The following UNC5C variants were observed in gnomAD, a reference collection of about 807,000 sequenced individuals.
The protein encoded by UNC5C is netrin receptor UNC5C.
Under a neutral mutation model 99.8 loss-of-function variants are expected in UNC5C, and 47 were observed. That is an observed-to-expected ratio of 0.47 (90% CI 0.37 to 0.60). The LOEUF (loss-of-function observed/expected upper bound fraction) is 0.60. Among genes scored for constraint, UNC5C ranks in the 20% least tolerant of loss-of-function variants. UNC5C has a pLI of 0.00. For missense variants in UNC5C, 1,062 were observed against 1,165.9 expected (o/e 0.91, Z 1.30); for synonymous variants, 487 against 452.2 (o/e 1.08, Z -0.98).
chr4:95,320,366 G>A (rs1228946891), intron 2 of UNC5C, among the ~76,000 whole-genome samples: 4 of 145,092 alleles, frequency 2.8e-5, no homozygotes, highest in Non-Finnish European at 4.5e-5. Flanking sequence ...AGGTTGCAGT[G>A]AGCGGAGATC....
intron 2 of UNC5C, among the ~76,000 whole-genome samples, chr4:95,305,514 T>G (rs2149405709): frequency 6.6e-6 from 1 of 152,286 alleles, no homozygotes; most frequent in East Asian, 1.9e-4. Flanking sequence ...TTGAAGAGCA[T>G]TTGGGAACCT....
intron 1 of UNC5C, among the ~76,000 whole-genome samples, chr4:95,473,303 T>C (rs1748031537): frequency 6.6e-6 from 1 of 152,148 alleles, no homozygotes; most frequent in African/African-American, 2.4e-5. Flanking sequence ...TTAAGATTTC[T>C]GCCATATCTT....
chr4:95,320,450 A>G (rs1742646210), intron 2 of UNC5C, among the ~76,000 whole-genome samples: 1 of 151,728 alleles, frequency 6.6e-6, no homozygotes, highest in Non-Finnish European at 1.5e-5. Flanking sequence ...AAAAGAAAAG[A>G]AAAGAAAGTA....
chr4:95,170,036 A>G, intron 15 of UNC5C, 118 bp downstream of exon 15: 1 of 1,377,466 alleles, frequency 7.3e-7, no homozygotes, highest in Non-Finnish European at 9.9e-7. Flanking sequence ...TTGCAAAATG[A>G]AAAATTAAAT....
intron 1 of UNC5C, among the ~76,000 whole-genome samples, chr4:95,423,042 C>T (rs1746365219): frequency 6.6e-6 from 1 of 152,182 alleles, no homozygotes; most frequent in South Asian, 2.1e-4. Flanking sequence ...TGGTGATGGT[C>T]TCTGCTCAAC....
intron 7 of UNC5C, among the ~76,000 whole-genome samples, chr4:95,226,392 T>G (rs1177017360): frequency 6.6e-6 from 1 of 152,188 alleles, no homozygotes; most frequent in African/African-American, 2.4e-5. Context: ...ATAAATGAGA[T>G]TTGTAAGGTG....
chr4:95,187,796 G>A (rs548987198), intron 12 of UNC5C, among the ~76,000 whole-genome samples: 9 of 152,118 alleles, frequency 5.9e-5, no homozygotes, highest in Admixed American at 1.3e-4. Flanking sequence ...ACTTAAGCTC[G>A]CCATTTCTCC....
At chr4:95,474,116 G>T (rs1748057366) in intron 1 of UNC5C, among the ~76,000 whole-genome samples, 1 of 151,922 alleles carries the variant, frequency 6.6e-6, no homozygotes. Flanking sequence ...CATTCAGAAA[G>T]CATTAGTATT....
chr4:95,421,944 G>A (rs907967061), intron 1 of UNC5C, among the ~76,000 whole-genome samples: 2 of 152,122 alleles, frequency 1.3e-5, no homozygotes, highest in African/African-American at 4.8e-5. Flanking sequence ...AGTTGATAAT[G>A]TCCTATGGAT....
At chr4:95,280,582 G>A (rs953998442) in intron 3 of UNC5C, among the ~76,000 whole-genome samples, 4 of 151,800 alleles carry the variant, frequency 2.6e-5, no homozygotes, top group East Asian at 1.9e-4. Flanking sequence ...CTAGCTACTC[G>A]GGAAGCTGAG....
intron 1 of UNC5C, among the ~76,000 whole-genome samples, chr4:95,476,647 C>T (rs1272785371): frequency 6.6e-6 from 1 of 151,886 alleles, no homozygotes; most frequent in Non-Finnish European, 1.5e-5. Flanking sequence ...TCAAATATTT[C>T]TGAAAAAACA....
At chr4:95,384,240 G>C (rs1021220614) in intron 1 of UNC5C, among the ~76,000 whole-genome samples, 2 of 152,100 alleles carry the variant, frequency 1.3e-5, no homozygotes, top group Non-Finnish European at 2.9e-5. Context: ...GCTAGGTTCT[G>C]TACCTGGTCT....
intron 1 of UNC5C, among the ~76,000 whole-genome samples, chr4:95,525,962 T>A (rs139807926): frequency 1.3e-5 from 2 of 152,152 alleles, no homozygotes; most frequent in East Asian, 3.9e-4. Flanking sequence ...CATTTAATTT[T>A]AAAAATTCGA....
At chr4:95,172,355 G>T (rs1287848090) in intron 14 of UNC5C, among the ~76,000 whole-genome samples, 2 of 150,756 alleles carry the variant, frequency 1.3e-5, no homozygotes, top group Non-Finnish European at 3.0e-5. Flanking sequence ...TTTTCTTCTA[G>T]GGTTTTTATG....
chr4:95,220,156 C>T lies in UNC5C; in HGVS notation c.1129G>A (p.Val377Ile), dbSNP rs1356195603. Residue 377 changes from valine to isoleucine, a missense_variant, in exon 8 of 16, where the codon GTT becomes ATT. Val to Ile is a conservative substitution (Grantham distance 29). This residue lies in a region of UNC5C where 810 missense variants were observed against 854.5 expected (regional missense o/e 0.95). Transcript: ENST00000453304. ...ATCACAATCCCAACATAGAGAGCAA[C>T]ATCATCTGAATCAGGAGCAGCTAGA... is the stretch of plus-strand genomic sequence containing the variant. Reference protein sequence around the residue: ...CMQTAPDSDDVALYVGIVIAV... With the variant: ...CMQTAPDSDDIALYVGIVIAV... 1 of 1,613,476 alleles carries T rather than the reference C, an allele frequency of 6.2e-7. No homozygotes were observed. Among genetic ancestry groups the T allele is most frequent in the Non-Finnish European group, 8.5e-7 (1 of 1,179,756 alleles).
chr4:95,270,683 G>A (rs766552065), intron 4 of UNC5C, among the ~76,000 whole-genome samples: 7 of 152,166 alleles, frequency 4.6e-5, no homozygotes, highest in Non-Finnish European at 8.8e-5. Context: ...ATAAAAGCAT[G>A]ATGACAAATG....
chr4:95,185,026 T>A, intron 13 of UNC5C, 21 bp downstream of exon 13: 11 of 1,600,722 alleles, frequency 6.9e-6, no homozygotes, highest in Non-Finnish European at 9.4e-6. Context: ...CCAGACCTTT[T>A]GTTCGGCTTG....
chr4:95,266,243 A>G (rs1740443270), intron 4 of UNC5C, among the ~76,000 whole-genome samples: 1 of 152,214 alleles, frequency 6.6e-6, no homozygotes, highest in African/African-American at 2.4e-5. Flanking sequence ...CTGCTAGTGT[A>G]TGTACAGAAG....
intron 12 of UNC5C, among the ~76,000 whole-genome samples, chr4:95,189,307 CCTT>C (rs1485962108): frequency 6.6e-6 from 1 of 152,294 alleles, no homozygotes; most frequent in South Asian, 2.1e-4. Context: ...TTTTTAGACA[CCTT>C]CTTTCTTGCT....
Sources: gnomAD v4.1 joint callset for allele counts (sites outside exome capture counted in the v4.1 genomes callset) on GRCh38, gnomAD v4.1.1 for gene constraint, gnomAD v4.1.1 regional missense constraint, MANE v1.5 for transcripts, NCBI Gene and HGNC (gene_info 2026-07-23, HGNC 2026-07-21) for gene names.